Variants in TNS1 observed in about 807,000 individuals in gnomAD.
TNS1 encodes tensin 1.
TNS1 carries 62 observed loss-of-function variants against 168.6 expected under a neutral mutation model. The ratio of observed to expected loss-of-function variants is 0.37; its 90% CI spans 0.30 to 0.45. The LOEUF is 0.45. TNS1 is among the 20% of genes least tolerant of loss of function. TNS1 has a pLI of 1.00. For missense variants in TNS1, 2,240 were observed against 2,339.4 expected (o/e 0.96, Z 0.88); for synonymous variants, 934 against 933.2 (o/e 1.00, Z -0.02).
At chr2:217,975,034 T>C (rs1486361044) in intron 3 of TNS1, among the ~76,000 whole-genome samples, 1 of 151,894 alleles carries the variant, frequency 6.6e-6, no homozygotes, top group Non-Finnish European at 1.5e-5. Flanking sequence ...ACATTGTGGG[T>C]TCTGCCTTGC....
rs560671475 is a variant in TNS1 at position 217,988,699 on chromosome 2, G to C, written c.148+2243C>G. 1.1e-4 allele frequency among the ~76,000 whole-genome samples: 16 copies of C among 152,288 alleles called. 1 individual carries two copies. In the South Asian group the frequency reaches 3.3e-3, roughly 32 times the overall value. On this transcript the variant is annotated intron_variant, in intron 2 of 32. Coordinates refer to ENST00000682258, the MANE Select transcript of TNS1 (RefSeq NM_001387777.1). ...CCCAGCCAGACCTCTTGGGAGGAGG[G>C]TGACACCGCGTGGCTGATTTTGGTA...
At chr2:217,849,395 C>T (rs750750339) in intron 18 of TNS1, among the ~76,000 whole-genome samples, 5 of 152,208 alleles carry the variant, frequency 3.3e-5, no homozygotes, top group Admixed American at 6.5e-5. Flanking sequence ...GCTTCCTGAC[C>T]AGAGGCATGA....
chr2:217,975,814 G>T (rs930442450), intron 3 of TNS1, among the ~76,000 whole-genome samples: 15 of 152,054 alleles, frequency 9.9e-5, no homozygotes, highest in Non-Finnish European at 1.0e-4. Flanking sequence ...CTGCTTTTCT[G>T]GCTAGCACCA....
chr2:217,892,899 G>C, intron 11 of TNS1, 49 bp downstream of exon 11: 1 of 1,585,380 alleles, frequency 6.3e-7, no homozygotes, highest in Non-Finnish European at 8.7e-7. Context: ...AGAGGAGGGG[G>C]GTCACACTGT....
intron 32 of TNS1, among the ~76,000 whole-genome samples, chr2:217,805,526 C>T (rs1435639292): frequency 3.6e-4 from 3 of 8,364 alleles, no homozygotes; most frequent in Non-Finnish European, 5.5e-4. Context: ...CCACACACAC[C>T]ACACACACCA....
chr2:217,943,362 G>A (rs1343935669), intron 3 of TNS1, among the ~76,000 whole-genome samples: 1 of 152,060 alleles, frequency 6.6e-6, no homozygotes, highest in East Asian at 1.9e-4. Flanking sequence ...CTAGAAGAAA[G>A]GTGCCCTCAC....
At chr2:218,005,753 A>G (rs1459401270), upstream of TNS1, among the ~76,000 whole-genome samples, 1 of 152,136 alleles carries the variant, frequency 6.6e-6, no homozygotes, top group Non-Finnish European at 1.5e-5. Flanking sequence ...ATATTTTCCT[A>G]CTGTAAGCAT....
intron 18 of TNS1, 28 bp from the exon 19 acceptor site, chr2:217,849,115 C>T: frequency 1.9e-6 from 3 of 1,582,594 alleles, no homozygotes; most frequent in Non-Finnish European, 2.6e-6. Flanking sequence ...GGAGGGGAGA[C>T]AACAGACAAC....
intron 18 of TNS1, 137 bp from the exon 19 acceptor site, chr2:217,849,224 G>A (rs1947135790): frequency 9.2e-7 from 1 of 1,086,400 alleles, no homozygotes; most frequent in East Asian, 2.5e-5. Flanking sequence ...ACCACCCTGA[G>A]GTGGGGAAAA....
chr2:217,926,805 A>T (rs1273170826), intron 3 of TNS1, among the ~76,000 whole-genome samples: 2 of 152,196 alleles, frequency 1.3e-5, no homozygotes, highest in African/African-American at 4.8e-5. Context: ...CCTCTCAACA[A>T]TTCTGCCAGA....
chr2:217,805,516 C>CAACACCACACACCA (rs1938538330), intron 32 of TNS1, among the ~76,000 whole-genome samples: 2 of 18,270 alleles, frequency 1.1e-4, no homozygotes, highest in Admixed American at 4.9e-4. Context: ...ACCACACACA[C>CAACACCACACACCA]CACACACACC....
At chr2:217,973,615 C>A (rs374703306) in intron 3 of TNS1, among the ~76,000 whole-genome samples, 9 of 152,286 alleles carry the variant, frequency 5.9e-5, no homozygotes, top group African/African-American at 1.7e-4. Context: ...TGTTCTCTCT[C>A]CTCACCTGCT....
chr2:218,002,065 G>A (rs910322861), intron 1 of TNS1, among the ~76,000 whole-genome samples: 1 of 152,154 alleles, frequency 6.6e-6, no homozygotes, highest in Non-Finnish European at 1.5e-5. Flanking sequence ...CAGCCCTTCT[G>A]CAGCAGGCAG....
chr2:217,876,137 G>C (rs539172340), intron 18 of TNS1, among the ~76,000 whole-genome samples: 8 of 152,186 alleles, frequency 5.3e-5, no homozygotes, highest in Non-Finnish European at 1.2e-4. Flanking sequence ...AGAAAGGTGG[G>C]GGGTGGATGA....
intron 1 of TNS1, among the ~76,000 whole-genome samples, chr2:217,996,809 G>A (rs1241758396): frequency 1.3e-5 from 2 of 152,010 alleles, no homozygotes; most frequent in Admixed American, 6.6e-5. Flanking sequence ...CTACAGCTCT[G>A]TAAGGTCTGG....
rs62642773 is a variant in TNS1 at position 218,031,078 on chromosome 2, T to G, written c.156+2742A>C. ...CATATGTGTGAGTGTATGTGTGTGT[T>G]TGTGAGTGTGTGAGCGTGTCTGTGT... On this transcript the variant is annotated intron_variant, in intron 1 of 1. Transcript: ENST00000649572. 9.5e-4 allele frequency among the ~76,000 whole-genome samples: 141 copies of G among 148,242 alleles called. 1 individual carries two copies. Among genetic ancestry groups the G allele is most frequent in the African/African-American group, 2.8e-3 (114 of 40,144 alleles).
At chr2:218,009,472 C>T (rs1361455397) in intron 1 of TNS1, among the ~76,000 whole-genome samples, 1 of 152,094 alleles carries the variant, frequency 6.6e-6, no homozygotes, top group African/African-American at 2.4e-5. Flanking sequence ...AACCAGGACA[C>T]GCCCACCCAC....
rs551222053 is a variant in TNS1 at position 217,995,908 on chromosome 2, C to T, written c.34-4852G>A. Among the ~76,000 whole-genome samples the T allele has an allele frequency of 1.3e-5, 2 of 152,370 alleles. No homozygotes were observed. The highest frequency in any genetic ancestry group is 1.3e-4 in the Admixed American group (2 of 15,310). ...CACCAGCCCACCCAGCATCAGAGGGCTTTCGTGGCCCTCGGGGCTTCCTCT... is the reference window on the plus strand; with the variant it reads ...CACCAGCCCACCCAGCATCAGAGGGTTTTCGTGGCCCTCGGGGCTTCCTCT... On this transcript the variant is annotated intron_variant, in intron 1 of 32. Transcript: ENST00000682258. This position sits in a 1 kb window ranked among gnomAD's most constrained non-coding sequence, Gnocchi z 4.1.
At position 217,812,456 on chromosome 2, in the gene TNS1, G is replaced by A. The variant is rs1941100224; in HGVS notation, c.4955-11C>T. On this transcript the variant is annotated splice_polypyrimidine_tract_variant and intron_variant, in intron 27 of 32. Coordinates refer to ENST00000682258, the MANE Select transcript of TNS1 (RefSeq NM_001387777.1). ...GGGCAGACAGCGATCCTGTAGGGAG[G>A]CAGACGGCATGTCATGGGCAGTGAT... is the stretch of plus-strand genomic sequence containing the variant. 3 of 1,613,328 alleles carry A rather than the reference G, an allele frequency of 1.9e-6. No homozygotes were observed. The highest frequency in any genetic ancestry group is 1.3e-5 in the African/African-American group (1 of 74,886).
Sources: allele counts gnomAD v4.1 joint callset (sites outside exome capture counted in the v4.1 genomes callset), GRCh38; gene constraint gnomAD v4.1.1; non-coding constraint Gnocchi (gnomAD v3.1); transcripts MANE v1.5; gene names NCBI Gene and HGNC (gene_info 2026-07-23, HGNC 2026-07-21).